The following ATG4A variants were observed in gnomAD, a reference collection of about 807,000 sequenced individuals.
The protein encoded by ATG4A is autophagy related 4A cysteine peptidase.
In ATG4A, 22 loss-of-function variants were observed where a neutral mutation model predicts 38.4. That is an observed-to-expected ratio of 0.57 (90% CI 0.41 to 0.82). The LOEUF is 0.82. Ranked by LOEUF, ATG4A falls within the 40% of genes least tolerant of loss-of-function variation. The probability of loss-of-function intolerance (pLI) is 0.00; values close to 1 mark genes in which losing one functional copy is unlikely to be tolerated. For synonymous variants in ATG4A, 86 were observed against 100.7 expected (o/e 0.85, Z 0.88); for missense variants, 220 against 290.0 (o/e 0.76, Z 1.75).
intron 1 of ATG4A, among the ~76,000 whole-genome samples, chrX:108,102,644 A>G (rs932460278): frequency 6.3e-5 from 7 of 111,037 alleles, no homozygotes; most frequent in Non-Finnish European, 1.3e-4. Flanking sequence ...CTTTCCCCCT[A>G]TGTTTTCTTC....
At chrX:108,136,164 A>T (rs1170598797) in intron 6 of ATG4A, among the ~76,000 whole-genome samples, 1 of 110,572 alleles carries the variant, frequency 9.0e-6, no homozygotes, top group Non-Finnish European at 1.9e-5. Flanking sequence ...TTATTATTAT[A>T]TTATTGTTAT....
intron 1 of ATG4A, among the ~76,000 whole-genome samples, chrX:108,095,151 G>T (rs2031766683): frequency 8.9e-6 from 1 of 112,170 alleles, no homozygotes; most frequent in African/African-American, 3.2e-5. Flanking sequence ...TATTGGCCAG[G>T]CTGGTCTCTA....
chrX:108,099,085 T>C (rs1348781021), intron 1 of ATG4A, among the ~76,000 whole-genome samples: 1 of 111,903 alleles, frequency 8.9e-6, no homozygotes, highest in African/African-American at 3.2e-5. Context: ...AAAGTGACTG[T>C]ACCATTTTGT....
chrX:108,118,342 A>G (rs768061647), intron 1 of ATG4A, among the ~76,000 whole-genome samples: 1 of 110,871 alleles, frequency 9.0e-6, no homozygotes, highest in East Asian at 2.8e-4. Context: ...TTTTTTTTTC[A>G]TAACAGCAAT....
At chrX:108,104,533 G>A (rs1239975294) in intron 1 of ATG4A, among the ~76,000 whole-genome samples, 1 of 109,518 alleles carries the variant, frequency 9.1e-6, no homozygotes, top group African/African-American at 3.3e-5. Flanking sequence ...TGATTTCCTT[G>A]TACATGATAA....
intron 11 of ATG4A, 112 bp downstream of exon 11, chrX:108,151,970 A>C: frequency 2.9e-6 from 2 of 701,203 alleles, no homozygotes; most frequent in Non-Finnish European, 4.2e-6. Context: ...ACTTTACTGC[A>C]AGAGAAAGAA....
chrX:108,119,293 C>G (rs981720330), intron 1 of ATG4A, among the ~76,000 whole-genome samples: 6 of 112,074 alleles, frequency 5.4e-5, no homozygotes, highest in African/African-American at 1.9e-4. Flanking sequence ...GCTAGTGTGA[C>G]TGAGGAACTG....
chrX:108,128,302 C>T (rs1383972142), intron 2 of ATG4A, among the ~76,000 whole-genome samples: 1 of 110,445 alleles, frequency 9.1e-6, no homozygotes, highest in Non-Finnish European at 1.9e-5. Flanking sequence ...TGGCCTGAAG[C>T]GATCTCCCTG....
chrX:108,147,549 A>G (rs2033454393), intron 9 of ATG4A, among the ~76,000 whole-genome samples: 1 of 111,631 alleles, frequency 9.0e-6, no homozygotes, highest in Non-Finnish European at 1.9e-5. Flanking sequence ...CTTTCTCTAC[A>G]GGAGATAAGA....
intron 9 of ATG4A, chrX:108,143,614 G>T (rs1256048528): frequency 1.9e-5 from 3 of 155,581 alleles, no homozygotes; most frequent in Non-Finnish European, 3.7e-5. Context: ...GGGAAGAGGA[G>T]CCCAAAGTGT....
chrX:108,102,782 A>ATT (rs375570909), intron 1 of ATG4A, among the ~76,000 whole-genome samples: 187 of 100,178 alleles, frequency 1.9e-3, no homozygotes, highest in African/African-American at 6.4e-3. Context: ...TACTAGCACC[A>ATT]TTTTTTTTTT....
chrX:108,137,699 A>T, intron 7 of ATG4A, 105 bp from the exon 8 acceptor site: 1 of 836,392 alleles, frequency 1.2e-6, no homozygotes, highest in Non-Finnish European at 1.6e-6. Flanking sequence ...AGGGCCTTCT[A>T]GGCAGGGTGG....
upstream of ATG4A, among the ~76,000 whole-genome samples, chrX:108,091,082 C>T (rs1010739331): frequency 2.6e-5 from 3 of 113,543 alleles, no homozygotes; most frequent in Admixed American, 2.8e-4. Flanking sequence ...TTACTGAATA[C>T]AGTTACTAGT....
intron 1 of ATG4A, among the ~76,000 whole-genome samples, chrX:108,107,553 G>A (rs906865351): frequency 3.6e-5 from 4 of 112,157 alleles, no homozygotes; most frequent in Admixed American, 9.4e-5. Flanking sequence ...TTCAAGTTGA[G>A]ATGTACCTGG....
intron 9 of ATG4A, among the ~76,000 whole-genome samples, chrX:108,141,009 CGT>C (rs1432868260): frequency 1.4e-5 from 1 of 69,386 alleles, no homozygotes; most frequent in Non-Finnish European, 2.6e-5. Flanking sequence ...CATATATATA[CGT>C]ATATATACAC....
chrX:108,093,646 G>C (rs903410826), intron 1 of ATG4A, among the ~76,000 whole-genome samples: 9 of 112,009 alleles, frequency 8.0e-5, no homozygotes, highest in African/African-American at 2.3e-4. Flanking sequence ...CTGCAAAACT[G>C]TTTTCCAAAA....
At chrX:108,146,239 G>T (rs2143077) in intron 9 of ATG4A, among the ~76,000 whole-genome samples, 5,770 of 111,848 alleles carry the variant, frequency 0.052, 397 homozygotes, top group African/African-American at 0.18. Flanking sequence ...CTCTGTTTCT[G>T]TAATTCAAAT....
intron 7 of ATG4A, among the ~76,000 whole-genome samples, 199 bp downstream of exon 7, chrX:108,137,369 C>T (rs2033133196): frequency 8.9e-6 from 1 of 112,167 alleles, no homozygotes; most frequent in South Asian, 3.8e-4. Context: ...TGCTCCTCCT[C>T]AGTGAGGTAC....
At chrX:108,123,468 C>G (rs1270704014) in intron 1 of ATG4A, among the ~76,000 whole-genome samples, 2 of 112,161 alleles carry the variant, frequency 1.8e-5, no homozygotes, top group Non-Finnish European at 1.9e-5. Context: ...TATGAGTTCT[C>G]CCTATGTAGG....
Sources: gnomAD v4.1 joint callset for allele counts (sites outside exome capture counted in the v4.1 genomes callset) on GRCh38, gnomAD v4.1.1 for gene constraint, MANE v1.5 for transcripts, NCBI Gene and HGNC (gene_info 2026-07-23, HGNC 2026-07-21) for gene names.